Variants in DYM observed in about 807,000 individuals in gnomAD.
The protein encoded by DYM is dymeclin.
In DYM, 78 loss-of-function variants were observed where a neutral mutation model predicts 93.1. The ratio of observed to expected loss-of-function variants is 0.84; its 90% CI spans 0.70 to 1.01. The LOEUF is 1.01. Ranked by LOEUF, DYM falls within the 50% of genes least tolerant of loss-of-function variation. The pLI is 0.00. For synonymous variants in DYM, 321 were observed against 319.7 expected, an observed-to-expected ratio of 1.00 and a Z score of -0.04; for missense variants, 789 against 845.0, an observed-to-expected ratio of 0.93 and a Z score of 0.82.
At chr18:49,339,917 G>A (rs2063967930) in intron 6 of DYM, among the ~76,000 whole-genome samples, 1 of 152,060 alleles carries the variant, frequency 6.6e-6, no homozygotes, top group African/African-American at 2.4e-5. Context: ...ACATGGAGCA[G>A]GTTTTGGGTT....
intron 2 of DYM, among the ~76,000 whole-genome samples, chr18:49,428,090 C>CA (rs1246089098): frequency 1.8e-4 from 25 of 140,736 alleles, no homozygotes; most frequent in East Asian, 1.2e-3. Flanking sequence ...GACCTTGTCT[C>CA]AAAAAAAAAA....
intron 13 of DYM, among the ~76,000 whole-genome samples, chr18:49,228,358 G>T (rs866470760): frequency 3.3e-5 from 5 of 152,008 alleles, no homozygotes; most frequent in Non-Finnish European, 4.4e-5. Context: ...GTAAGCAAAG[G>T]CCTATAAATC....
intron 3 of DYM, among the ~76,000 whole-genome samples, chr18:49,387,853 G>A (rs541955674): frequency 1.3e-5 from 2 of 152,144 alleles, no homozygotes; most frequent in Non-Finnish European, 2.9e-5. Flanking sequence ...CTGTACCAAT[G>A]TTGATTCCTT....
intron 16 of DYM, among the ~76,000 whole-genome samples, chr18:49,111,839 T>A (rs2081427074): frequency 6.6e-6 from 1 of 152,078 alleles, no homozygotes; most frequent in South Asian, 2.1e-4. Context: ...AAGACCTCAG[T>A]CTTAAATGGG....
intron 8 of DYM, among the ~76,000 whole-genome samples, chr18:49,302,583 A>G (rs2061001412): frequency 6.6e-6 from 1 of 152,214 alleles, no homozygotes; most frequent in Non-Finnish European, 1.5e-5. Flanking sequence ...AAAGTCCATC[A>G]TACTCAAGGA....
chr18:49,386,528 A>G (rs1486182397), intron 3 of DYM, among the ~76,000 whole-genome samples: 1 of 152,206 alleles, frequency 6.6e-6, no homozygotes, highest in Non-Finnish European at 1.5e-5. Context: ...GAAAGCCATC[A>G]GACAACTCAA....
rs2079644411 is a variant in DYM at position 49,097,418 on chromosome 18, G to C, written c.2009C>G (p.Pro670Arg). 3 of 1,613,832 alleles carry C rather than the reference G, an allele frequency of 1.9e-6. No homozygotes were observed. The highest frequency in any genetic ancestry group is 1.7e-5 in the Admixed American group (1 of 59,978). Residue 670 changes from proline to arginine, a missense_variant, in exon 17 of 18, where the codon CCC becomes CGC. Pro to Arg is a moderately radical substitution (Grantham distance 103). This residue lies in a region of DYM where 114 missense variants were observed against 105.8 expected (regional missense o/e 1.08). Transcript: ENST00000675505. Reference protein sequence around the residue: ...EIIKQGVVALPKDRLKKFPEL... With the variant: ...EIIKQGVVALRKDRLKKFPEL... ...CCTTCTTACCTTCAGTCTGTCTTTGGGCAGCGCAACGACGCCTTGCTTAAT... is the reference window on the plus strand; with the variant it reads ...CCTTCTTACCTTCAGTCTGTCTTTGCGCAGCGCAACGACGCCTTGCTTAAT...
intron 14 of DYM, among the ~76,000 whole-genome samples, chr18:49,186,855 C>T (rs544074678): frequency 2.0e-5 from 3 of 151,790 alleles, no homozygotes; most frequent in South Asian, 2.1e-4. Context: ...TAGGGACAAA[C>T]GCTCAGTTGT....
In DYM at chr18:49,038,279, C is replaced by G. The variant is rs544307531; in HGVS notation, c.*5776G>C. 3.9e-5 allele frequency among the ~76,000 whole-genome samples: 6 copies of G among 152,126 alleles called. No homozygotes were observed. Among genetic ancestry groups the G allele is most frequent in the Non-Finnish European group, 8.8e-5 (6 of 68,026 alleles). On this transcript the variant is annotated 3_prime_UTR_variant, in exon 18 of 18. Coordinates refer to ENST00000675505, the MANE Select transcript of DYM (RefSeq NM_001353214.3). ...TGATTTTTGTATGCTAGTTTTTCTA[C>G]CAATTAACAAAATAGGCATGTTAAA...
intron 13 of DYM, among the ~76,000 whole-genome samples, chr18:49,226,374 A>G (rs2093532809): frequency 6.6e-6 from 1 of 152,140 alleles, no homozygotes; most frequent in African/African-American, 2.4e-5. Flanking sequence ...TTTAAAAAGA[A>G]TGTTGTCATG....
At chr18:49,389,152 T>C (rs892946882) in intron 3 of DYM, among the ~76,000 whole-genome samples, 1 of 152,196 alleles carries the variant, frequency 6.6e-6, no homozygotes, top group Non-Finnish European at 1.5e-5. Context: ...ATGTACTGTT[T>C]AATATGAGAT....
At position 49,338,063 on chromosome 18, in the gene DYM, CA is replaced by C. The variant is rs796204628; in HGVS notation, c.495-4211del. 3.4e-4 allele frequency among the ~76,000 whole-genome samples: 52 copies of C among 152,222 alleles called. 1 individual carries two copies. The highest frequency in any genetic ancestry group is 1.2e-3 in the African/African-American group (51 of 41,552). ...ATATATTGGAGAAGTTAGATTAAAA[CA>C]GTTATTAAAAAATCAAGAAACTATT... On this transcript the variant is annotated intron_variant, in intron 6 of 17. Transcript: ENST00000675505.
chr18:49,113,265 G>A (rs998750284), intron 16 of DYM, among the ~76,000 whole-genome samples: 2 of 152,176 alleles, frequency 1.3e-5, no homozygotes, highest in Admixed American at 6.5e-5. Context: ...AATGGTTATA[G>A]TTCATTGCAT....
At chr18:49,251,204 A>T (rs538656017) in intron 13 of DYM, among the ~76,000 whole-genome samples, 1 of 152,330 alleles carries the variant, frequency 6.6e-6, no homozygotes, top group Non-Finnish European at 1.5e-5. Flanking sequence ...AGAAGCAATG[A>T]GATTTGCTTT....
intron 14 of DYM, chr18:49,205,992 GTTTTTTTTTTGTTTT>G (rs1555800068): frequency 3.6e-5 from 2 of 56,174 alleles, no homozygotes. Flanking sequence ...CTAAGGTAGA[GTTTTTTTTTTGTTTT>G]TTTGTTTTTT....
chr18:49,114,355 A>G (rs1370874802), intron 16 of DYM, among the ~76,000 whole-genome samples: 2 of 152,232 alleles, frequency 1.3e-5, no homozygotes, highest in African/African-American at 2.4e-5. Context: ...ATATAGTCAA[A>G]TGTTTAGCCT....
At chr18:49,253,628 G>C (rs1426454613) in intron 13 of DYM, among the ~76,000 whole-genome samples, 2 of 152,130 alleles carry the variant, frequency 1.3e-5, no homozygotes, top group African/African-American at 2.4e-5. Flanking sequence ...TGCATGACAC[G>C]ATGCTCTGGT....
At chr18:49,180,693 G>T (rs1266128863) in intron 14 of DYM, among the ~76,000 whole-genome samples, 1 of 151,996 alleles carries the variant, frequency 6.6e-6, no homozygotes, top group Non-Finnish European at 1.5e-5. Context: ...AGGAATATAG[G>T]CTAATTCAGA....
intron 16 of DYM, among the ~76,000 whole-genome samples, chr18:49,112,137 C>T (rs1381376784): frequency 6.7e-6 from 1 of 149,808 alleles, no homozygotes; most frequent in African/African-American, 2.4e-5. Flanking sequence ...CCCCCCTCCC[C>T]TCCGCACCCC....
Sources: gnomAD v4.1 joint callset for allele counts (sites outside exome capture counted in the v4.1 genomes callset) on GRCh38, gnomAD v4.1.1 for gene constraint, gnomAD v4.1.1 regional missense constraint, MANE v1.5 for transcripts, NCBI Gene and HGNC (gene_info 2026-07-23, HGNC 2026-07-21) for gene names.